Variants in DCDC2C observed in about 807,000 individuals in gnomAD.
The protein encoded by DCDC2C is doublecortin domain containing 2C, also known as doublecortin domain-containing protein 2C.
DCDC2C carries 44 observed loss-of-function variants against 45.0 expected under a neutral mutation model. The ratio of observed to expected loss-of-function variants is 0.98; its 90% CI spans 0.77 to 1.26. The LOEUF (loss-of-function observed/expected upper bound fraction) is 1.26. Ranked by LOEUF, DCDC2C falls within the 50% of genes most tolerant of loss-of-function variation. The pLI is 0.00. For synonymous variants in DCDC2C, 187 were observed against 178.8 expected (o/e 1.05, Z -0.37); for missense variants, 447 against 468.9 (o/e 0.95, Z 0.43).
At chr2:3,716,121 C>T (rs566992470) in intron 2 of DCDC2C, among the ~76,000 whole-genome samples, 1 of 152,274 alleles carries the variant, frequency 6.6e-6, no homozygotes, top group East Asian at 1.9e-4. Context: ...AGTTAGGAGG[C>T]TGCTGCAATG....
chr2:3,730,413 G>T (rs916457252), intron 3 of DCDC2C, among the ~76,000 whole-genome samples: 5 of 152,206 alleles, frequency 3.3e-5, no homozygotes, highest in African/African-American at 1.2e-4. Flanking sequence ...TAGCTATTGT[G>T]TCGGATTGCC....
intron 10 of DCDC2C, chr2:3,788,651 C>T (rs1670718566): frequency 6.6e-6 from 1 of 152,198 alleles, no homozygotes; most frequent in African/African-American, 2.4e-5. Flanking sequence ...TCTGGGTGCA[C>T]TTTGTAAGTT....
chr2:3,813,732 C>CTTTTTTT (rs3067128), intron 10 of DCDC2C, among the ~76,000 whole-genome samples: 30 of 99,134 alleles, frequency 3.0e-4, no homozygotes, highest in African/African-American at 7.9e-4. Flanking sequence ...GCAACCCCTG[C>CTTTTTTT]TTTTTTTTTT....
intron 2 of DCDC2C, among the ~76,000 whole-genome samples, chr2:3,725,066 G>A (rs1420284517): frequency 6.6e-6 from 1 of 152,156 alleles, no homozygotes; most frequent in Non-Finnish European, 1.5e-5. Context: ...CTATTGACAG[G>A]TTCAGGCCCC....
chr2:3,757,059 TATTA>T (rs1669741317), intron 6 of DCDC2C, among the ~76,000 whole-genome samples: 1 of 152,218 alleles, frequency 6.6e-6, no homozygotes. Flanking sequence ...TAAAACTCAG[TATTA>T]ATTTTTTTTG....
At chr2:3,839,890 T>C (rs1213403524) in intron 10 of DCDC2C, among the ~76,000 whole-genome samples, 2 of 152,240 alleles carry the variant, frequency 1.3e-5, no homozygotes, top group African/African-American at 4.8e-5. Context: ...ATTATGCCGA[T>C]AGAAACTTTG....
At chr2:3,814,296 C>G (rs950533769) in intron 10 of DCDC2C, among the ~76,000 whole-genome samples, 5 of 152,174 alleles carry the variant, frequency 3.3e-5, no homozygotes, top group Admixed American at 2.6e-4. Flanking sequence ...GATATCCTTT[C>G]TTCCACTTGG....
intron 10 of DCDC2C, among the ~76,000 whole-genome samples, chr2:3,788,003 C>G (rs1670698149): frequency 6.6e-6 from 1 of 152,172 alleles, no homozygotes; most frequent in Non-Finnish European, 1.5e-5. Flanking sequence ...AACAACAAAA[C>G]AACAGGCATC....
chr2:3,704,242 G>GC (rs1174356914), intron 1 of DCDC2C: 17 of 427,130 alleles, frequency 4.0e-5, no homozygotes, highest in Non-Finnish European at 5.1e-5. Context: ...AGGCAGCCCC[G>GC]CCCCCAGGGT....
chr2:3,723,667 T>C (rs936513393), intron 2 of DCDC2C, among the ~76,000 whole-genome samples: 1 of 151,982 alleles, frequency 6.6e-6, no homozygotes, highest in African/African-American at 2.4e-5. Context: ...TTGCTTGCCA[T>C]GAGGGAAGGA....
chr2:3,767,837 A>G lies in DCDC2C; in HGVS notation c.810A>G (p.Glu270=), dbSNP rs1219915449. The change falls in exon 7 of 11, where the codon GAA becomes GAG. Residue 270 remains glutamate (E), a synonymous_variant. Coordinates refer to ENST00000399143, the MANE Select transcript of DCDC2C (RefSeq NM_001287444.2). ...TQDSVYYAKE[E]KKKTLAEPLV... is the part of the protein sequence containing the mutation. Reference sequence around the variant, plus strand: ...ATTCTGTTTATTATGCCAAAGAAGAAAAGAAGAAAACATTGGCAGAACCTT... The same window carrying G: ...ATTCTGTTTATTATGCCAAAGAAGAGAAGAAGAAAACATTGGCAGAACCTT... 3.2e-6 allele frequency: 5 copies of G among 1,544,270 alleles called. No homozygotes were observed. Among genetic ancestry groups the G allele is most frequent in the Non-Finnish European group, 4.4e-6 (5 of 1,145,336 alleles).
chr2:3,782,646 T>G (rs537698333), intron 9 of DCDC2C, among the ~76,000 whole-genome samples: 1 of 152,098 alleles, frequency 6.6e-6, no homozygotes, highest in Admixed American at 6.5e-5. Flanking sequence ...ACCTGGCCAA[T>G]TTTTTGTGTT....
chr2:3,778,939 T>C, intron 9 of DCDC2C, 55 bp downstream of exon 9: 1 of 1,481,596 alleles, frequency 6.7e-7, no homozygotes, highest in Non-Finnish European at 9.2e-7. Flanking sequence ...CCTGACACTT[T>C]GAACAGAGCT....
intron 10 of DCDC2C, among the ~76,000 whole-genome samples, chr2:3,805,501 T>C (rs1671215829): frequency 6.6e-6 from 1 of 152,228 alleles, no homozygotes; most frequent in Non-Finnish European, 1.5e-5. Context: ...AGAGGGGCTT[T>C]ATTAGTGCTG....
At chr2:3,810,393 G>T (rs183038770) in intron 10 of DCDC2C, among the ~76,000 whole-genome samples, 1 of 152,066 alleles carries the variant, frequency 6.6e-6, no homozygotes, top group South Asian at 2.1e-4. Context: ...AATGTCTTTC[G>T]AAAAGTGTCT....
Position 3,761,823 on chromosome 2 carries a change from G to T in DCDC2C, c.727-5931G>T, listed in dbSNP as rs986771008. Among the ~76,000 whole-genome samples the T allele has an allele frequency of 2.2e-4, 33 of 152,304 alleles. 1 individual carries two copies. Among genetic ancestry groups the T allele is most frequent in the Middle Eastern group, 3.4e-3 (1 of 294 alleles). The stretch of plus-strand genomic sequence containing the variant: ...TCATCCCAAGTTACCCTGGGAGGCT[G>T]CCTTTTGTGTGCCTGAGCTAGACAA... On this transcript the variant is annotated intron_variant, in intron 6 of 10. Coordinates refer to ENST00000399143, the MANE Select transcript of DCDC2C (RefSeq NM_001287444.2). This position sits in a 1 kb window ranked among gnomAD's most constrained non-coding sequence, Gnocchi z 4.3.
At chr2:3,729,922 G>C (rs1028891637) in intron 3 of DCDC2C, among the ~76,000 whole-genome samples, 1 of 152,148 alleles carries the variant, frequency 6.6e-6, no homozygotes, top group Non-Finnish European at 1.5e-5. Flanking sequence ...GGACAGAGTT[G>C]TCATAGGCCA....
At position 3,764,169 on chromosome 2, in the gene DCDC2C, G is replaced by A. The variant is rs189850520; in HGVS notation, c.727-3585G>A. 5.3e-5 allele frequency among the ~76,000 whole-genome samples: 8 copies of A among 152,296 alleles called. No homozygotes were observed. The East Asian group carries it at 1.5e-3, about 29-fold the overall frequency. On this transcript the variant is annotated intron_variant, in intron 6 of 10. Coordinates refer to ENST00000399143, the MANE Select transcript of DCDC2C (RefSeq NM_001287444.2). ...TCTGCTCTCCTCTGACCCAAGTTTT[G>A]TGAACTGCTTTGAGACTCCACGTTT...
At position 3,742,009 on chromosome 2, in the gene DCDC2C, C is replaced by A; in HGVS notation, c.506C>A (p.Thr169Lys). ...TCCGATTGGGACATCGTGCTGGCCA[C>A]GATCGGAGAAAAAGTCTTCCCTCTA... ...SLSDWDIVLA[T>K]IGEKVFPLGG... The change falls in exon 4 of 11, where the codon ACG becomes AAG. Residue 169 changes from threonine (T) to lysine (K), a missense_variant. Transcript: ENST00000399143. 1 of 1,547,570 alleles carries A rather than the reference C, an allele frequency of 6.5e-7. No homozygotes were observed. Among genetic ancestry groups the A allele is most frequent in the Non-Finnish European group, 8.7e-7 (1 of 1,145,920 alleles).
Sources: allele counts gnomAD v4.1 joint callset (sites outside exome capture counted in the v4.1 genomes callset), GRCh38; gene constraint gnomAD v4.1.1; non-coding constraint Gnocchi (gnomAD v3.1); transcripts MANE v1.5; gene names NCBI Gene and HGNC (gene_info 2026-07-23, HGNC 2026-07-21).